PASK: variants seen among roughly 807,000 people sequenced by gnomAD.
The protein encoded by PASK is PAS domain containing serine/threonine kinase.
PASK carries 110 observed loss-of-function variants against 121.0 expected under a neutral mutation model. The observed-to-expected ratio is 0.91, with a 90% CI of 0.78 to 1.06. The LOEUF is 1.06. Among genes scored for constraint, PASK ranks in the 50% least tolerant of loss-of-function variants. The pLI is 0.00. For synonymous variants in PASK, 686 were observed against 717.8 expected (o/e 0.96, Z 0.71); for missense variants, 1,643 against 1,702.3 (o/e 0.97, Z 0.61).
chr2:241,125,599 CA>C (rs1367902342), intron 10 of PASK, among the ~76,000 whole-genome samples: 3 of 56,562 alleles, frequency 5.3e-5, no homozygotes, highest in African/African-American at 8.0e-5. Context: ...GACTCTGTCT[CA>C]AAAAAAAAGA....
chr2:241,149,457 A>T lies in PASK; in HGVS notation c.-86T>A. The T allele has an allele frequency of 1.7e-6, 1 of 588,478 alleles. No individual in the cohort carries two copies. Among genetic ancestry groups the T allele is most frequent in the South Asian group, 2.0e-5 (1 of 49,366 alleles). 36.5% of individuals were successfully genotyped at this position (588,478 alleles called of 1,614,324 possible). On this transcript the variant is annotated 5_prime_UTR_variant, in exon 1 of 18. Transcript: ENST00000234040. ...ACGCCAAGCCGGCTACACACCACGG[A>T]AAGGAGCCCTTCCGCGCTTTTATCC...
chr2:241,137,951 A>G lies in PASK; in HGVS notation c.876+2T>C. On this transcript the variant is annotated splice_donor_variant, in intron 6 of 17. Coordinates refer to ENST00000234040, the MANE Select transcript of PASK (RefSeq NM_015148.4). LOFTEE classifies it high-confidence loss of function. ...CACAGTGCGGGAGGTCAGGAGCCCT[A>G]CCTTTGGGATGTGCTGGCCAGAAGG... 3 of 1,614,132 alleles carry G rather than the reference A, an allele frequency of 1.9e-6. No homozygotes were observed. Among genetic ancestry groups the G allele is most frequent in the East Asian group, 2.2e-5 (1 of 44,876 alleles).
At chr2:241,116,738 T>C (rs1169167760) in intron 12 of PASK, among the ~76,000 whole-genome samples, 3 of 152,052 alleles carry the variant, frequency 2.0e-5, no homozygotes, top group Non-Finnish European at 4.4e-5. Context: ...TCGCTGAAAA[T>C]CTGGTCGCCC....
At chr2:241,114,617 C>G (rs1217724401) in intron 14 of PASK, 15 of 1,077,186 alleles carry the variant, frequency 1.4e-5, no homozygotes, top group African/African-American at 1.7e-5. Context: ...GTGAGAATGT[C>G]AGGATCTCAG....
intron 1 of PASK, chr2:241,145,659 G>A (rs1051792351): frequency 6.6e-6 from 1 of 151,536 alleles, no homozygotes; most frequent in Non-Finnish European, 1.5e-5. Flanking sequence ...AGCAGATCAC[G>A]AGGTCAAGAG....
chr2:241,123,143 T>C (rs369619166), intron 11 of PASK, among the ~76,000 whole-genome samples: 23 of 151,212 alleles, frequency 1.5e-4, no homozygotes, highest in East Asian at 1.4e-3. Context: ...CCCCACCATA[T>C]ACATGGGCCT....
intron 9 of PASK, among the ~76,000 whole-genome samples, chr2:241,130,682 CCT>C (rs2066085473): frequency 6.6e-6 from 1 of 152,140 alleles, no homozygotes; most frequent in South Asian, 2.1e-4. Flanking sequence ...CAACAGCTAC[CCT>C]CTCACGCCAC....
Position 241,128,089 on chromosome 2 carries a change from T to A in PASK, c.1464-638A>T, listed in dbSNP as rs577890988. On this transcript the variant is annotated intron_variant, in intron 9 of 17. Transcript: ENST00000234040. ...GAGGTCAGGAGGTTCGAGACCAGAC[T>A]GGCCAACATGGCAAAGTCCTGTCTC... is the stretch of plus-strand genomic sequence containing the variant. 1.1e-4 allele frequency among the ~76,000 whole-genome samples: 17 copies of A among 152,332 alleles called. 1 individual carries two copies. The highest frequency in any genetic ancestry group is 3.4e-3 in the Middle Eastern group (1 of 294).
chr2:241,143,977 C>T (rs758488921), intron 1 of PASK, among the ~76,000 whole-genome samples: 1 of 152,232 alleles, frequency 6.6e-6, no homozygotes. Context: ...CATACTCTTC[C>T]GAGTTCCCTC....
intron 13 of PASK, 52 bp from the exon 14 acceptor site, chr2:241,115,229 C>G (rs186744845): frequency 1.2e-6 from 2 of 1,613,718 alleles, no homozygotes; most frequent in African/African-American, 2.7e-5. Context: ...TTCAAGTCAA[C>G]AAATTGAAGA....
rs1373048230 is a variant in PASK, at chr2:241,112,473, A to C, written c.3334-34T>G. 2 of 1,428,530 alleles carry C rather than the reference A, an allele frequency of 1.4e-6. No homozygotes were observed. Among genetic ancestry groups the C allele is most frequent in the African/African-American group, 2.9e-5 (2 of 69,852 alleles). 88.5% of individuals were successfully genotyped at this position (1,428,530 alleles called of 1,614,324 possible). A position where few individuals can be genotyped will look rare whatever the true frequency, so the allele number is the denominator to read the frequency against. On this transcript the variant is annotated intron_variant, in intron 14 of 17. Coordinates refer to ENST00000234040, the MANE Select transcript of PASK (RefSeq NM_015148.4). This position sits in a 1 kb window ranked among gnomAD's most constrained non-coding sequence, Gnocchi z 5.2. ...AGGAGGCCAGAGGGGGCTTTTTAAA[A>C]AAGCAATTCAACTAAAATATGCATT... is the stretch of plus-strand genomic sequence containing the variant.
At chr2:241,146,229 A>C (rs1183460935) in intron 1 of PASK, among the ~76,000 whole-genome samples, 1 of 152,252 alleles carries the variant, frequency 6.6e-6, no homozygotes, top group South Asian at 2.1e-4. Context: ...GAATCTAGTA[A>C]TACCCAATGT....
intron 4 of PASK, among the ~76,000 whole-genome samples, chr2:241,139,306 C>G (rs933740968): frequency 6.6e-6 from 1 of 152,198 alleles, no homozygotes; most frequent in Non-Finnish European, 1.5e-5. Context: ...TCCAACGCTA[C>G]TCCCCCAGTC....
chr2:241,147,454 C>CA (rs546742865), intron 1 of PASK, among the ~76,000 whole-genome samples: 75 of 148,364 alleles, frequency 5.1e-4, no homozygotes, highest in Admixed American at 1.8e-3. Flanking sequence ...CCCATCTCTA[C>CA]AAAAAAAAAA....
At chr2:241,144,141 T>C (rs1056555596) in intron 1 of PASK, among the ~76,000 whole-genome samples, 29 of 151,384 alleles carry the variant, frequency 1.9e-4, no homozygotes, top group Non-Finnish European at 3.3e-4. Flanking sequence ...TGCACATGTG[T>C]ACATGAGCGT....
chr2:241,119,889 G>C (rs2065533561), intron 12 of PASK, among the ~76,000 whole-genome samples: 1 of 152,156 alleles, frequency 6.6e-6, no homozygotes. Flanking sequence ...TCTATTCAGA[G>C]TCATCTTGTC....
At chr2:241,141,011 C>A in intron 2 of PASK, 1 of 526,904 alleles carries the variant, frequency 1.9e-6, no homozygotes, top group Non-Finnish European at 3.5e-6. Context: ...CACTCAAAGC[C>A]AGGCGTGCCT....
chr2:241,137,840 C>T (rs2066512257), intron 6 of PASK, 113 bp downstream of exon 6: 1 of 1,183,456 alleles, frequency 8.4e-7, no homozygotes, highest in Non-Finnish European at 1.3e-6. Context: ...CTGAGCATGT[C>T]CCACCCCTAA....
rs1252098478 is a variant in PASK, at chr2:241,129,448, G to A, written c.1464-1997C>T. On this transcript the variant is annotated intron_variant, in intron 9 of 17. Transcript: ENST00000234040. ...AGCAGGCTGGGGAGAGGGCTTCACG[G>A]GCATCCACTGCCCTGTGTCTGCAGC... Among the ~76,000 whole-genome samples the A allele has an allele frequency of 3.9e-5, 6 of 152,276 alleles. No homozygotes were observed. In the South Asian group the frequency reaches 1.2e-3, roughly 32 times the overall value.
Sources: allele counts gnomAD v4.1 joint callset (sites outside exome capture counted in the v4.1 genomes callset), GRCh38; gene constraint gnomAD v4.1.1; non-coding constraint Gnocchi (gnomAD v3.1); transcripts MANE v1.5; gene names NCBI Gene and HGNC (gene_info 2026-07-23, HGNC 2026-07-21).